The following IMMP1L variants were observed in gnomAD, a reference collection of about 807,000 sequenced individuals.
The protein encoded by IMMP1L is mitochondrial inner membrane protease subunit 1.
IMMP1L carries 24 observed loss-of-function variants against 21.8 expected under a neutral mutation model. The ratio of observed to expected loss-of-function variants is 1.10; its 90% confidence interval spans 0.80 to 1.55. IMMP1L has a LOEUF of 1.55. IMMP1L is among the 40% of genes most tolerant of loss of function. IMMP1L has a pLI of 0.00. For synonymous variants in IMMP1L, 46 were observed against 62.8 expected (o/e 0.73, Z 1.26); for missense variants, 195 against 200.7 (o/e 0.97, Z 0.17).
chr11:31,471,285 G>C (rs1954542257), intron 1 of IMMP1L, among the ~76,000 whole-genome samples: 1 of 152,068 alleles, frequency 6.6e-6, no homozygotes, highest in Admixed American at 6.6e-5. Context: ...GTTTGGATAA[G>C]GCCCTAGACC....
chr11:31,494,090 C>G (rs1015134193), intron 1 of IMMP1L, among the ~76,000 whole-genome samples: 21 of 152,232 alleles, frequency 1.4e-4, no homozygotes, highest in Admixed American at 1.4e-3. Flanking sequence ...TCCACCAGGC[C>G]ATGCCCCAGT....
chr11:31,482,730 A>C (rs1954940505), intron 1 of IMMP1L, among the ~76,000 whole-genome samples: 1 of 152,018 alleles, frequency 6.6e-6, no homozygotes, highest in Non-Finnish European at 1.5e-5. Context: ...GAGCAACTAG[A>C]ACTCTCTCGC....
chr11:31,474,083 CAT>C (rs898407578), intron 1 of IMMP1L, among the ~76,000 whole-genome samples: 2 of 152,122 alleles, frequency 1.3e-5, no homozygotes, highest in African/African-American at 4.8e-5. Flanking sequence ...CAAATTACAT[CAT>C]AGTTTTGCCA....
chr11:31,432,613 T>A, intron 5 of IMMP1L, 45 bp from the exon 6 acceptor site: 1 of 1,256,642 alleles, frequency 8.0e-7, no homozygotes, highest in South Asian at 1.2e-5. Context: ...GAAAGTAATG[T>A]TATAGTATCA....
chr11:31,480,912 G>C (rs1339383102), intron 1 of IMMP1L, among the ~76,000 whole-genome samples: 2 of 151,952 alleles, frequency 1.3e-5, no homozygotes, highest in South Asian at 2.1e-4. Context: ...TATTAAGCAA[G>C]AACAAAAGCA....
intron 1 of IMMP1L, among the ~76,000 whole-genome samples, chr11:31,481,266 C>G (rs1457013081): frequency 6.6e-6 from 1 of 152,026 alleles, no homozygotes; most frequent in Non-Finnish European, 1.5e-5. Context: ...ATGTGTTGCT[C>G]CACTCATAAA....
chr11:31,440,439 G>A (rs1953284062), intron 4 of IMMP1L, among the ~76,000 whole-genome samples: 1 of 152,128 alleles, frequency 6.6e-6, no homozygotes, highest in African/African-American at 2.4e-5. Flanking sequence ...CGCCCAAGCT[G>A]GAGTGCAGTG....
chr11:31,476,541 ATACTT>A (rs1440288439), intron 1 of IMMP1L, among the ~76,000 whole-genome samples: 14 of 152,176 alleles, frequency 9.2e-5, no homozygotes, highest in Admixed American at 5.9e-4. Flanking sequence ...TTTCAAGAAA[ATACTT>A]TAGTCACCTA....
At chr11:31,506,882 C>A (rs1300306941) in intron 1 of IMMP1L, among the ~76,000 whole-genome samples, 1 of 151,932 alleles carries the variant, frequency 6.6e-6, no homozygotes, top group Non-Finnish European at 1.5e-5. Flanking sequence ...ATCATTTGAA[C>A]CCAGGAGGCG....
intron 1 of IMMP1L, among the ~76,000 whole-genome samples, chr11:31,501,591 T>C (rs1253699303): frequency 6.6e-6 from 1 of 152,130 alleles, no homozygotes; most frequent in East Asian, 1.9e-4. Context: ...CAACACAGAA[T>C]AGAATAAGAC....
chr11:31,491,489 T>C (rs1463809874), intron 1 of IMMP1L, among the ~76,000 whole-genome samples: 1 of 152,200 alleles, frequency 6.6e-6, no homozygotes, highest in African/African-American at 2.4e-5. Context: ...TGGCAAAACG[T>C]AGAACTTGGT....
chr11:31,447,748 T>C (rs1295899153), intron 4 of IMMP1L, among the ~76,000 whole-genome samples: 1 of 152,232 alleles, frequency 6.6e-6, no homozygotes, highest in Non-Finnish European at 1.5e-5. Context: ...CAATATTTTC[T>C]TGCTAATTTA....
intron 1 of IMMP1L, 29 bp downstream of exon 1, chr11:31,509,490 G>C (rs573457689): frequency 2.1e-6 from 1 of 471,836 alleles, no homozygotes; most frequent in Non-Finnish European, 3.9e-6. Context: ...GCACTCAAAA[G>C]GAGAAGAACG....
At chr11:31,434,353 T>C (rs955056568) in intron 4 of IMMP1L, among the ~76,000 whole-genome samples, 6 of 152,182 alleles carry the variant, frequency 3.9e-5, no homozygotes, top group African/African-American at 1.4e-4. Context: ...ACCTGCAATA[T>C]GAGACATTTG....
intron 1 of IMMP1L, chr11:31,488,134 T>A (rs1955143734): frequency 2.0e-5 from 3 of 151,902 alleles, no homozygotes; most frequent in African/African-American, 7.3e-5. Context: ...TTACCATAGG[T>A]CTGTTCTACA....
chr11:31,449,283 AC>A (rs1422944360), intron 4 of IMMP1L, among the ~76,000 whole-genome samples: 1 of 152,154 alleles, frequency 6.6e-6, no homozygotes, highest in African/African-American at 2.4e-5. Context: ...GTAATAGAAG[AC>A]CAGATGGTTG....
intron 1 of IMMP1L, among the ~76,000 whole-genome samples, chr11:31,490,419 C>CT: frequency 6.6e-6 from 1 of 150,792 alleles, no homozygotes; most frequent in Non-Finnish European, 1.5e-5. Flanking sequence ...TTGCAGTGAG[C>CT]TGAGATAGCA....
intron 1 of IMMP1L, among the ~76,000 whole-genome samples, chr11:31,494,861 G>A (rs1050233114): frequency 6.6e-6 from 1 of 152,046 alleles, no homozygotes; most frequent in Admixed American, 6.6e-5. Flanking sequence ...AGCCAGGATG[G>A]TCTCAATCTC....
intron 1 of IMMP1L, among the ~76,000 whole-genome samples, chr11:31,469,999 C>T (rs905174929): frequency 6.6e-6 from 1 of 151,838 alleles, no homozygotes; most frequent in African/African-American, 2.4e-5. Flanking sequence ...ACCTCAAAAG[C>T]TAAAGAAAAA....
Sources: gnomAD v4.1 joint callset for allele counts (sites outside exome capture counted in the v4.1 genomes callset) on GRCh38, gnomAD v4.1.1 for gene constraint, MANE v1.5 for transcripts, NCBI Gene and HGNC (gene_info 2026-07-23, HGNC 2026-07-21) for gene names.